RAB9B: variants seen among roughly 807,000 people sequenced by gnomAD.
RAB9B encodes ras-related protein Rab-9B.
RAB9B carries 1 observed loss-of-function variant against 8.9 expected under a neutral mutation model. The observed-to-expected ratio is 0.11, with a 90% confidence interval of 0.04 to 0.53. The LOEUF is 0.53. Ranked by LOEUF, RAB9B falls within the 20% of genes least tolerant of loss-of-function variation. The pLI, the probability that RAB9B is intolerant of heterozygous loss-of-function variation, is 0.93. For synonymous variants in RAB9B, 63 were observed against 57.0 expected (o/e 1.10, Z -0.47); for missense variants, 82 against 152.9 (o/e 0.54, Z 2.45).
chrX:103,814,609 G>C, the RAB9B span, among the ~76,000 whole-genome samples: 1 of 111,077 alleles, frequency 9.0e-6, no homozygotes, highest in Non-Finnish European at 1.9e-5. Flanking sequence ...GAAGGAGATA[G>C]AGACACAAAA....
chrX:103,821,741 T>A (rs187170339), downstream of RAB9B, among the ~76,000 whole-genome samples: 1 of 111,905 alleles, frequency 8.9e-6, no homozygotes, highest in East Asian at 2.8e-4. Flanking sequence ...TGGTTTAACA[T>A]TTATCTTATT....
At chrX:103,816,983 G>A in the RAB9B span, among the ~76,000 whole-genome samples, 1 of 112,461 alleles carries the variant, frequency 8.9e-6, no homozygotes, top group African/African-American at 3.2e-5. Flanking sequence ...CTGTTGGTGG[G>A]AGTATAAATT....
Position 103,825,661 on chromosome X carries a change from C to A in RAB9B, c.124G>T (p.Val42Leu). 8.3e-7 allele frequency: 1 copy of A among 1,211,042 alleles called. No individual in the cohort carries two copies. The highest frequency in any genetic ancestry group is 1.1e-6 in the Non-Finnish European group (1 of 895,066). ...TCCAGATCTCGATTTAAGAACTCTACCCCTATGGTGTGAAAAGCCTGGGAG... is the reference window on the plus strand; with the variant it reads ...TCCAGATCTCGATTTAAGAACTCTAACCCTATGGTGTGAAAAGCCTGGGAG... ...FDSQAFHTIG[V>L]EFLNRDLEVD... Residue 42 changes from valine to leucine, a missense_variant, in exon 3 of 3, where the codon GTA becomes TTA. Physicochemically the swap from Val to Leu is conservative, Grantham distance 32. Transcript: ENST00000243298.
At chrX:103,816,359 G>A in the RAB9B span, among the ~76,000 whole-genome samples, 1 of 111,683 alleles carries the variant, frequency 9.0e-6, no homozygotes, top group African/African-American at 3.3e-5. Flanking sequence ...AAATGGTGCT[G>A]GGAAAACTGG....
At chrX:103,785,798 T>C in the RAB9B span, 8 of 1,131,312 alleles carry the variant, frequency 7.1e-6, no homozygotes, top group Non-Finnish European at 8.5e-6. Flanking sequence ...CACAGACCCA[T>C]CTTTTTTTTC....
chrX:103,805,063 A>G, the RAB9B span, among the ~76,000 whole-genome samples: 30,623 of 110,663 alleles, frequency 0.28, 3,201 homozygotes, highest in East Asian at 0.38. Flanking sequence ...GGAAAGAGTG[A>G]ACATCTTGTC....
chrX:103,828,675 C>A (rs2074692457), intron 1 of RAB9B, among the ~76,000 whole-genome samples: 1 of 111,974 alleles, frequency 8.9e-6, no homozygotes, highest in Admixed American at 9.5e-5. Flanking sequence ...AGGTCAAGGA[C>A]TGAGTGAATA....
the RAB9B span, among the ~76,000 whole-genome samples, chrX:103,812,206 C>T: frequency 1.8e-5 from 2 of 110,705 alleles, no homozygotes; most frequent in African/African-American, 6.6e-5. Flanking sequence ...TCCACTCTCA[C>T]GAATTAATAG....
downstream of RAB9B, among the ~76,000 whole-genome samples, chrX:103,821,415 A>G (rs2074660259): frequency 9.0e-6 from 1 of 110,719 alleles, no homozygotes. Context: ...AACTGCCCAA[A>G]GTTGCAACAG....
the RAB9B span, among the ~76,000 whole-genome samples, chrX:103,806,274 C>A: frequency 9.0e-6 from 1 of 110,914 alleles, no homozygotes; most frequent in African/African-American, 3.3e-5. Flanking sequence ...TTCCTGTATC[C>A]GGTAAGTTTA....
chrX:103,816,594 A>G, the RAB9B span, among the ~76,000 whole-genome samples: 7 of 112,329 alleles, frequency 6.2e-5, no homozygotes, highest in African/African-American at 9.7e-5. Flanking sequence ...ATCTAATTAA[A>G]CTAAAGAGCT....
the RAB9B span, among the ~76,000 whole-genome samples, chrX:103,794,813 C>T: frequency 8.9e-6 from 1 of 112,091 alleles, no homozygotes. Flanking sequence ...AGATTTTCCT[C>T]GTTCACTCAC....
chrX:103,791,124 C>A, the RAB9B span: 2 of 119,578 alleles, frequency 1.7e-5, no homozygotes, highest in African/African-American at 6.5e-5. Context: ...ACAATAAGAG[C>A]GTTTGCCCAA....
chrX:103,776,970 A>G, the RAB9B span: 10 of 1,201,823 alleles, frequency 8.3e-6, no homozygotes, highest in Non-Finnish European at 1.1e-5. Flanking sequence ...CCAGCCGGCT[A>G]CAATTGGAGT....
chrX:103,783,692 A>C, the RAB9B span, among the ~76,000 whole-genome samples: 1 of 112,225 alleles, frequency 8.9e-6, no homozygotes, highest in African/African-American at 3.2e-5. Context: ...ACAAACTGTA[A>C]CTAATGTTAA....
the RAB9B span, among the ~76,000 whole-genome samples, chrX:103,804,275 C>T: frequency 8.9e-6 from 1 of 112,044 alleles, no homozygotes; most frequent in African/African-American, 3.2e-5. Context: ...ATTAAATTAT[C>T]CTGGCAGTCT....
chrX:103,817,222 C>T, the RAB9B span, among the ~76,000 whole-genome samples: 1 of 111,793 alleles, frequency 8.9e-6, no homozygotes, highest in Admixed American at 9.5e-5. Context: ...AGATGTGGCA[C>T]ATATACACCA....
chrX:103,788,742 A>G, the RAB9B span: 5 of 414,294 alleles, frequency 1.2e-5, no homozygotes, highest in Non-Finnish European at 2.1e-5. Context: ...TTCCCCTCTT[A>G]AAAGAGAAGT....
At chrX:103,813,650 C>T in the RAB9B span, among the ~76,000 whole-genome samples, 1 of 100,831 alleles carries the variant, frequency 9.9e-6, no homozygotes, top group African/African-American at 3.7e-5. Context: ...CAAGATCCAT[C>T]AGTGTGCTGT....
Sources: allele counts gnomAD v4.1 joint callset (sites outside exome capture counted in the v4.1 genomes callset), GRCh38; gene constraint gnomAD v4.1.1; transcripts MANE v1.5; gene names NCBI Gene and HGNC (gene_info 2026-07-23, HGNC 2026-07-21).